The following ADGRL3 variants were observed in gnomAD, a reference collection of about 807,000 sequenced individuals.
ADGRL3 encodes adhesion G protein-coupled receptor L3, also known as calcium-independent alpha-latrotoxin receptor 3.
ADGRL3 carries 62 observed loss-of-function variants against 153.5 expected under a neutral mutation model. The ratio of observed to expected loss-of-function variants is 0.40; its 90% CI spans 0.33 to 0.50. The LOEUF (loss-of-function observed/expected upper bound fraction) is 0.50. Ranked by LOEUF, ADGRL3 falls within the 20% of genes least tolerant of loss-of-function variation. The pLI is 0.47. For missense variants in ADGRL3, 1,641 were observed against 1,859.4 expected, an observed-to-expected ratio of 0.88 and a Z score of 2.16; for synonymous variants, 710 against 672.5, an observed-to-expected ratio of 1.06 and a Z score of -0.86.
At chr4:61,730,210 ATAG>A (rs2096415762) in intron 6 of ADGRL3, among the ~76,000 whole-genome samples, 1 of 151,958 alleles carries the variant, frequency 6.6e-6, no homozygotes, top group Non-Finnish European at 1.5e-5. Context: ...ATTATGTGAA[ATAG>A]TGGTATAAAC....
intron 5 of ADGRL3, among the ~76,000 whole-genome samples, chr4:61,634,758 A>C (rs1355721370): frequency 6.6e-6 from 1 of 152,198 alleles, no homozygotes; most frequent in Non-Finnish European, 1.5e-5. Context: ...AAGCTGCATA[A>C]CCTAAAAAAT....
intron 6 of ADGRL3, among the ~76,000 whole-genome samples, chr4:61,704,395 A>G (rs998856034): frequency 2.6e-5 from 4 of 152,230 alleles, no homozygotes; most frequent in Admixed American, 1.3e-4. Flanking sequence ...ACTGTAGTCT[A>G]TTAAGTGTGC....
At chr4:61,220,323 G>A (rs1222394577) in intron 1 of ADGRL3, among the ~76,000 whole-genome samples, 2 of 152,056 alleles carry the variant, frequency 1.3e-5, no homozygotes, top group Non-Finnish European at 2.9e-5. Flanking sequence ...CTAATAACTT[G>A]TTTGTCTCAT....
chr4:61,686,250 A>G (rs1348429788), intron 6 of ADGRL3, among the ~76,000 whole-genome samples: 23 of 152,148 alleles, frequency 1.5e-4, no homozygotes, highest in Admixed American at 1.4e-3. Flanking sequence ...TACAAGAAGA[A>G]TAGTAAAAGA....
chr4:61,818,789 C>T (rs533512937), intron 9 of ADGRL3, among the ~76,000 whole-genome samples: 1 of 152,256 alleles, frequency 6.6e-6, no homozygotes, highest in East Asian at 1.9e-4. Flanking sequence ...ATGCACAGAT[C>T]AGACTCTCCT....
At position 62,074,032 on chromosome 4, in the gene ADGRL3, CT is replaced by C. The variant is rs2151945978; in HGVS notation, c.*3129del. The C allele has an allele frequency of 6.6e-6, 1 of 152,154 alleles. No individual in the cohort carries two copies. Among genetic ancestry groups the C allele is most frequent in the African/African-American group, 2.4e-5 (1 of 41,534 alleles). The allele number at this position is 152,154 out of a possible 1,614,324, so 9.4% of individuals were successfully genotyped here. A position where few individuals can be genotyped will look rare whatever the true frequency, so the allele number is the denominator to read the frequency against. On this transcript the variant is annotated 3_prime_UTR_variant, in exon 27 of 27. Coordinates refer to ENST00000683033, the MANE Select transcript of ADGRL3 (RefSeq NM_001387552.1). ...AAGGGTTGAATTCCTGAACTTGAAT[CT>C]TTTTCTTCATATACATTTTCTTATA...
intron 18 of ADGRL3, among the ~76,000 whole-genome samples, chr4:61,980,306 A>AT (rs756680977): frequency 0.054 from 4,025 of 74,336 alleles, 486 homozygotes; most frequent in African/African-American, 0.16. Flanking sequence ...GTAACCACTA[A>AT]TTTTTTTTTT....
chr4:61,305,706 C>A (rs73825104), intron 1 of ADGRL3, among the ~76,000 whole-genome samples: 4,993 of 152,026 alleles, frequency 0.033, 170 homozygotes, highest in African/African-American at 0.082. Context: ...TGAACTTGAG[C>A]GTCAAGCAGT....
chr4:62,040,389 C>A (rs1212470253), intron 24 of ADGRL3, among the ~76,000 whole-genome samples: 1 of 151,896 alleles, frequency 6.6e-6, no homozygotes, highest in Non-Finnish European at 1.5e-5. Context: ...TTCTGATTAA[C>A]TATGACCAGC....
chr4:61,966,706 G>A (rs1371108274), intron 17 of ADGRL3, among the ~76,000 whole-genome samples: 3 of 151,958 alleles, frequency 2.0e-5, no homozygotes, highest in Admixed American at 2.0e-4. Flanking sequence ...AGATCTCTGG[G>A]TTTAATCATT....
At chr4:61,295,492 T>G (rs964673055) in intron 1 of ADGRL3, among the ~76,000 whole-genome samples, 1 of 152,082 alleles carries the variant, frequency 6.6e-6, no homozygotes, top group African/African-American at 2.4e-5. Flanking sequence ...CCTGTGTATA[T>G]ATAATTAATA....
chr4:61,874,038 A>G (rs1273125583), intron 9 of ADGRL3, among the ~76,000 whole-genome samples: 2 of 152,190 alleles, frequency 1.3e-5, no homozygotes, highest in African/African-American at 4.8e-5. Flanking sequence ...TGTGGAAAGC[A>G]TTAGGCTTGT....
chr4:61,229,077 T>A (rs528471691), intron 1 of ADGRL3, among the ~76,000 whole-genome samples: 57 of 152,298 alleles, frequency 3.7e-4, no homozygotes, highest in African/African-American at 1.3e-3. Flanking sequence ...TGAGAGAGGC[T>A]GTGATGTAGA....
chr4:61,333,138 A>G (rs2095607349), intron 1 of ADGRL3, among the ~76,000 whole-genome samples: 1 of 151,774 alleles, frequency 6.6e-6, no homozygotes, highest in Non-Finnish European at 1.5e-5. Flanking sequence ...ACTTATTAAA[A>G]TTTTATTTTC....
intron 17 of ADGRL3, among the ~76,000 whole-genome samples, chr4:61,968,895 A>G (rs900595115): frequency 2.0e-5 from 3 of 152,198 alleles, no homozygotes; most frequent in Non-Finnish European, 4.4e-5. Flanking sequence ...ACAAGATGCT[A>G]CATCTTTTAT....
intron 9 of ADGRL3, among the ~76,000 whole-genome samples, chr4:61,826,294 A>C (rs534178493): frequency 1.3e-5 from 2 of 152,306 alleles, no homozygotes; most frequent in South Asian, 2.1e-4. Context: ...AGTGTGTTCA[A>C]AGGCCCTGAA....
At chr4:61,348,549 A>G (rs2095972922) in intron 1 of ADGRL3, among the ~76,000 whole-genome samples, 1 of 152,044 alleles carries the variant, frequency 6.6e-6, no homozygotes, top group African/African-American at 2.4e-5. Context: ...CCAAACTTAC[A>G]TTCTTTGGAA....
chr4:61,280,332 C>T (rs576387652), intron 1 of ADGRL3, among the ~76,000 whole-genome samples: 1 of 151,946 alleles, frequency 6.6e-6, no homozygotes, highest in South Asian at 2.1e-4. Context: ...TGGTCTCGAT[C>T]TCCTGACCTC....
intron 25 of ADGRL3, among the ~76,000 whole-genome samples, chr4:62,058,475 A>G (rs1050673891): frequency 6.6e-6 from 1 of 152,158 alleles, no homozygotes; most frequent in African/African-American, 2.4e-5. Context: ...CATTACTTAA[A>G]CAAATATTTT....
Sources: gnomAD v4.1 joint callset for allele counts (sites outside exome capture counted in the v4.1 genomes callset) on GRCh38, gnomAD v4.1.1 for gene constraint, MANE v1.5 for transcripts, NCBI Gene and HGNC (gene_info 2026-07-23, HGNC 2026-07-21) for gene names.